The following COG8 variants were observed in gnomAD, a reference collection of about 807,000 sequenced individuals.
COG8 encodes the protein component of oligomeric golgi complex 8.
Under a neutral mutation model 46.5 loss-of-function variants are expected in COG8, and 45 were observed. That is an observed-to-expected ratio of 0.97 (90% CI 0.76 to 1.24). The LOEUF (loss-of-function observed/expected upper bound fraction) is 1.24. Ranked by LOEUF, COG8 falls within the 50% of genes most tolerant of loss-of-function variation. The pLI is 0.00. For synonymous variants in COG8, 407 were observed against 347.8 expected, an observed-to-expected ratio of 1.17 and a Z score of -1.90; for missense variants, 793 against 820.8, an observed-to-expected ratio of 0.97 and a Z score of 0.41.
In COG8 at chr16:69,328,907, C is replaced by T; in HGVS notation, c.*299G>A. The T allele has an allele frequency of 7.3e-7, 1 of 1,364,486 alleles. No individual in the cohort carries two copies. Among genetic ancestry groups the T allele is most frequent in the Non-Finnish European group, 9.9e-7 (1 of 1,009,564 alleles). 84.5% of individuals were successfully genotyped at this position (1,364,486 alleles called of 1,614,324 possible). Reference sequence around the variant, plus strand: ...GCTCAGTCTGCCATGCCTTGGCAATCCAGTTTCCTGTCATATGCGAGCCAT... The same window carrying T: ...GCTCAGTCTGCCATGCCTTGGCAATTCAGTTTCCTGTCATATGCGAGCCAT... On this transcript the variant is annotated 3_prime_UTR_variant, in exon 6 of 6. Transcript: ENST00000306875.
Position 69,339,511 on chromosome 16 carries a change from T to C in COG8, c.42A>G (p.Thr14=), listed in dbSNP as rs11542583. The part of the protein sequence containing the change: ...AATIPSVATA[T]AAALGEVEDE... ...CCTCCACCTCGCCGAGAGCCGCTGC[T>C]GTGGCCGTGGCTACCGATGGGATAG... Residue 14 remains threonine, a synonymous_variant, in exon 1 of 6, where the codon ACA becomes ACG. Coordinates refer to ENST00000306875, the MANE Select transcript of COG8 (RefSeq NM_032382.5). The C allele has an allele frequency of 0.31, 505,621 of 1,606,994 alleles. 81,755 individuals carry two copies. The highest frequency in any genetic ancestry group is 0.37 in the South Asian group (33,270 of 90,958).
rs1023848080 is a variant in COG8, at chr16:69,336,389, G to C, written c.585+116C>G. 6.7e-6 allele frequency: 6 copies of C among 901,514 alleles called. No homozygotes were observed. The African/African-American group carries it at 8.3e-5, about 13-fold the overall frequency. 55.8% of individuals were successfully genotyped at this position (901,514 alleles called of 1,614,324 possible). On this transcript the variant is annotated intron_variant, in intron 2 of 5. Transcript: ENST00000306875. ...AATGTTTTCTGTTCAGGCATACCTG[G>C]CTGGCAGAAACTGATGTGAAACATG...
intron 3 of COG8, among the ~76,000 whole-genome samples, chr16:69,333,886 T>C (rs1220909768): frequency 1.3e-5 from 2 of 152,214 alleles, no homozygotes; most frequent in African/African-American, 4.8e-5. Flanking sequence ...AAGGGTTTTG[T>C]AGATGTAATT....
chr16:69,335,889 C>T (rs2012180502), intron 2 of COG8, among the ~76,000 whole-genome samples: 1 of 152,032 alleles, frequency 6.6e-6, no homozygotes, highest in Non-Finnish European at 1.5e-5. Flanking sequence ...AAATTCCAAC[C>T]ACTTGTTGGG....
chr16:69,330,067 A>G (rs1194332748), intron 5 of COG8: 23 of 1,561,678 alleles, frequency 1.5e-5, no homozygotes, highest in Non-Finnish European at 1.9e-5. Flanking sequence ...AGCCCTCGGG[A>G]AAGGTGACCA....
intron 4 of COG8, among the ~76,000 whole-genome samples, chr16:69,331,568 T>C (rs189586659): frequency 7.1e-4 from 108 of 151,306 alleles, no homozygotes; most frequent in African/African-American, 2.5e-3. Flanking sequence ...AGTGGCGTGA[T>C]TGCTGCTCAC....
intron 2 of COG8, 91 bp from the exon 3 acceptor site, chr16:69,335,439 C>T (rs1597224782): frequency 1.9e-6 from 2 of 1,035,460 alleles, no homozygotes; most frequent in Non-Finnish European, 2.9e-6. Context: ...ACCAACATTC[C>T]CATGGCTTTC....
In COG8 at chr16:69,339,487, C is replaced by G; in HGVS notation, c.66G>C (p.Glu22Asp). The change falls in exon 1 of 6, where the codon GAG becomes GAC. Residue 22 changes from glutamate (E) to aspartate (D), a missense_variant. By Grantham distance (45) the Glu-to-Asp change is conservative. Coordinates refer to ENST00000306875, the MANE Select transcript of COG8 (RefSeq NM_032382.5). ...ACAGCGACGCCAGGAGCCCTTCATC[C>G]TCCACCTCGCCGAGAGCCGCTGCTG... ...TATAAALGEVEDEGLLASLFR... is the reference protein window; with the variant it reads ...TATAAALGEVDDEGLLASLFR... The G allele has an allele frequency of 6.2e-7, 1 of 1,605,454 alleles. No homozygotes were observed. The highest frequency in any genetic ancestry group is 8.5e-7 in the Non-Finnish European group (1 of 1,179,722).
chr16:69,330,104 G>A (rs1374003655), intron 5 of COG8: 2 of 1,583,164 alleles, frequency 1.3e-6, no homozygotes, highest in African/African-American at 1.4e-5. Context: ...TCGCAGGCTG[G>A]GGTTCACGAA....
chr16:69,334,064 A>G (rs1006950944), intron 3 of COG8, among the ~76,000 whole-genome samples: 8 of 152,116 alleles, frequency 5.3e-5, no homozygotes, highest in Admixed American at 2.0e-4. Context: ...CAGTTCTGCA[A>G]TTGCAAAGAA....
At chr16:69,335,399 A>T in intron 2 of COG8, 51 bp from the exon 3 acceptor site, 9 of 1,430,826 alleles carry the variant, frequency 6.3e-6, no homozygotes, top group Non-Finnish European at 7.6e-6. Context: ...TGCTCTCTAG[A>T]ACCCATTCCC....
chr16:69,330,770 G>A, intron 5 of COG8, 43 bp downstream of exon 5: 1 of 1,472,920 alleles, frequency 6.8e-7, no homozygotes, highest in Non-Finnish European at 8.9e-7. Context: ...GACCTTCCAG[G>A]GCGAGGCAGT....
rs541323524 is a variant in COG8, at chr16:69,332,742, A to G, written c.1554T>C (p.Phe518=). 6.2e-7 allele frequency: 1 copy of G among 1,613,554 alleles called. No individual in the cohort carries two copies. Among genetic ancestry groups the G allele is most frequent in the African/African-American group, 1.3e-5 (1 of 75,050 alleles). Residue 518 remains phenylalanine, a synonymous_variant, in exon 4 of 6, where the codon TTT becomes TTC. Coordinates refer to ENST00000306875, the MANE Select transcript of COG8 (RefSeq NM_032382.5). ...PYLNRCLQVL[F]PPAQIAQTLG... ...AAGTCTGTGCTATCTGAGCTGGTGG[A>G]AAAAGGACTTGGAGACAGCGATTTA...
intron 5 of COG8, 169 bp downstream of exon 5, chr16:69,330,644 C>T: frequency 7.1e-7 from 1 of 1,409,630 alleles, no homozygotes; most frequent in Non-Finnish European, 9.2e-7. Context: ...GCGCCGTCGG[C>T]CAGCACACAG....
intron 1 of COG8, among the ~76,000 whole-genome samples, chr16:69,337,808 T>C (rs1165845423): frequency 6.6e-6 from 1 of 151,418 alleles, no homozygotes; most frequent in Non-Finnish European, 1.5e-5. Context: ...TCATCTTGGC[T>C]CACTGCAACC....
At position 69,330,200 on chromosome 16, in the gene COG8, G is replaced by A. The variant is rs987206273; in HGVS notation, c.*26+613C>T. Reference sequence around the variant, plus strand: ...ACACAGCGCCTCGGGGAGCTCCAGCGCCAGCACCTGCCGCGGCACCCCCAG... The same window carrying A: ...ACACAGCGCCTCGGGGAGCTCCAGCACCAGCACCTGCCGCGGCACCCCCAG... On this transcript the variant is annotated intron_variant, in intron 5 of 5. Coordinates refer to ENST00000306875, the MANE Select transcript of COG8 (RefSeq NM_032382.5). 7.6e-6 allele frequency: 11 copies of A among 1,456,632 alleles called. No homozygotes were observed. The East Asian group carries it at 8.7e-5, about 12-fold the overall frequency. The allele number at this position is 1,456,632 out of a possible 1,614,324, so 90.2% of individuals were successfully genotyped here.
In COG8 at chr16:69,330,859, G is replaced by C. The variant is rs1260455936; in HGVS notation, c.1819C>G (p.Pro607Ala). 2.6e-6 allele frequency: 4 copies of C among 1,542,212 alleles called. No homozygotes were observed. Among genetic ancestry groups the C allele is most frequent in the Admixed American group, 2.0e-5 (1 of 50,854 alleles). The change falls in exon 5 of 6, where the codon CCG becomes GCG. Residue 607 changes from proline (P) to alanine (A), a missense_variant. Transcript: ENST00000306875. ...EGGRAETQAE[P>A]PSVGP ...GCCGGCTAGGGCCCCACGCTGGGCG[G>C]TTCGGCCTGCGTCTCCGCTCGCCCT...
rs978847653 is a variant in COG8 at position 69,333,021 on chromosome 16, C to G, written c.1414-139G>C. ...TTAACAGTACATTATTTTACTGTCT[C>G]ATTTAAACTCAGAATTATGGTCATT... On this transcript the variant is annotated intron_variant, in intron 3 of 5. Transcript: ENST00000306875. The G allele has an allele frequency of 1.6e-5, 12 of 757,676 alleles. No homozygotes were observed. In the African/African-American group the frequency reaches 2.1e-4, roughly 13 times the overall value. 46.9% of individuals were successfully genotyped at this position (757,676 alleles called of 1,614,324 possible). A position where few individuals can be genotyped will look rare whatever the true frequency, so the allele number is the denominator to read the frequency against.
At chr16:69,336,803 G>A (rs1436520051) in intron 1 of COG8, 91 bp from the exon 2 acceptor site, 23 of 1,119,448 alleles carry the variant, frequency 2.1e-5, no homozygotes, top group Non-Finnish European at 2.7e-5. Flanking sequence ...ACATTGGGCT[G>A]GATGATCTAT....
Sources: gnomAD v4.1 joint callset for allele counts (sites outside exome capture counted in the v4.1 genomes callset) on GRCh38, gnomAD v4.1.1 for gene constraint, MANE v1.5 for transcripts, NCBI Gene and HGNC (gene_info 2026-07-23, HGNC 2026-07-21) for gene names.